MAGI2: variants seen among roughly 807,000 people sequenced by gnomAD.
MAGI2 encodes the protein membrane associated guanylate kinase, WW and PDZ domain containing 2.
Under a neutral mutation model 133.3 loss-of-function variants are expected in MAGI2, and 35 were observed. That is an observed-to-expected ratio of 0.26 (90% CI 0.20 to 0.35). The LOEUF is 0.35. Ranked by LOEUF, MAGI2 falls within the 10% of genes least tolerant of loss-of-function variation. The probability of loss-of-function intolerance (pLI) is 1.00; values close to 1 mark genes in which losing one functional copy is unlikely to be tolerated. For missense variants in MAGI2, 1,636 were observed against 1,863.4 expected, an observed-to-expected ratio of 0.88 and a Z score of 2.25; for synonymous variants, 729 against 710.6, an observed-to-expected ratio of 1.03 and a Z score of -0.41.
intron 16 of MAGI2, among the ~76,000 whole-genome samples, chr7:78,137,102 TA>T (rs1337935301): frequency 6.6e-6 from 1 of 152,172 alleles, no homozygotes; most frequent in East Asian, 1.9e-4. Flanking sequence ...TTACTGACTT[TA>T]AAAAAATGAT....
chr7:78,093,136 CAAAAAAA>C (rs1157039018), intron 20 of MAGI2, among the ~76,000 whole-genome samples: 1 of 32,322 alleles, frequency 3.1e-5, no homozygotes, highest in Non-Finnish European at 5.0e-5. Flanking sequence ...ACTCCTTCTC[CAAAAAAA>C]AAAAAAAAAA....
chr7:78,112,788 T>G (rs866960069), intron 20 of MAGI2, among the ~76,000 whole-genome samples: 1 of 152,222 alleles, frequency 6.6e-6, no homozygotes, highest in East Asian at 1.9e-4. Context: ...GCAGAGCTTA[T>G]GCTCTGGAAA....
At chr7:78,925,057 A>C (rs1799588467) in intron 2 of MAGI2, among the ~76,000 whole-genome samples, 2 of 151,952 alleles carry the variant, frequency 1.3e-5, no homozygotes, top group South Asian at 4.1e-4. Context: ...GTCTTGGTTT[A>C]GTGGCCAGGG....
chr7:79,261,450 G>C (rs141778138), intron 1 of MAGI2, among the ~76,000 whole-genome samples: 143 of 152,300 alleles, frequency 9.4e-4, no homozygotes, highest in Non-Finnish European at 1.3e-3. Context: ...CATAGTTCAA[G>C]CCTAAGGTTA....
intron 2 of MAGI2, among the ~76,000 whole-genome samples, chr7:78,788,086 G>A (rs1174937812): frequency 1.3e-5 from 2 of 152,164 alleles, no homozygotes; most frequent in East Asian, 3.8e-4. Flanking sequence ...ATGAGCTTGT[G>A]CAAAGCAGTG....
intron 4 of MAGI2, among the ~76,000 whole-genome samples, chr7:78,515,979 C>A (rs1796007669): frequency 6.6e-6 from 1 of 151,972 alleles, no homozygotes; most frequent in African/African-American, 2.4e-5. Context: ...GAAAAGTTAC[C>A]AACAAGTACC....
In MAGI2 at chr7:78,804,748, C is replaced by CAA. The variant is rs373472835; in HGVS notation, c.419-177511_419-177510dup. Among the ~76,000 whole-genome samples, 20 of 97,720 alleles carry CAA rather than the reference C, an allele frequency of 2.0e-4. 1 individual carries two copies. The highest frequency in any genetic ancestry group is 4.3e-4 in the African/African-American group (9 of 21,172). The allele number at this position is 97,720 out of a possible 152,430, so 64.1% of individuals were successfully genotyped here. ...TGGGCAACAGAGCGAGACTCTGTCTCAAAAAAAAAAAAAAAAAAAAAAAAC... is the reference window on the plus strand; with the variant it reads ...TGGGCAACAGAGCGAGACTCTGTCTCAAAAAAAAAAAAAAAAAAAAAAAAAAC... On this transcript the variant is annotated intron_variant, in intron 2 of 21. Transcript: ENST00000354212.
At chr7:78,458,406 T>C (rs562500464) in intron 6 of MAGI2, among the ~76,000 whole-genome samples, 2 of 152,138 alleles carry the variant, frequency 1.3e-5, no homozygotes, top group Non-Finnish European at 1.5e-5. Context: ...GGCAGTCACA[T>C]AGTAAAACTA....
chr7:78,188,125 T>A (rs941992308), intron 12 of MAGI2, among the ~76,000 whole-genome samples: 18 of 152,188 alleles, frequency 1.2e-4, no homozygotes, highest in African/African-American at 4.1e-4. Flanking sequence ...ACAACTTTTA[T>A]TTTGCTATCT....
chr7:78,503,509 A>T (rs868589975), intron 4 of MAGI2, among the ~76,000 whole-genome samples: 1 of 143,050 alleles, frequency 7.0e-6, no homozygotes, highest in African/African-American at 2.6e-5. Context: ...ACGAGATCTG[A>T]TGGTTTTATA....
intron 2 of MAGI2, among the ~76,000 whole-genome samples, chr7:78,715,704 A>T (rs1292534709): frequency 6.6e-6 from 1 of 152,232 alleles, no homozygotes; most frequent in Non-Finnish European, 1.5e-5. Context: ...CAATGACTTC[A>T]TTCATTTCAT....
At chr7:79,403,625 A>G (rs555591490) in intron 1 of MAGI2, among the ~76,000 whole-genome samples, 59 of 152,160 alleles carry the variant, frequency 3.9e-4, no homozygotes, top group Non-Finnish European at 6.8e-4. Context: ...TTTTGAAACT[A>G]GGCCACATCC....
intron 2 of MAGI2, among the ~76,000 whole-genome samples, chr7:78,730,714 A>C (rs898785000): frequency 6.6e-6 from 1 of 152,176 alleles, no homozygotes; most frequent in Non-Finnish European, 1.5e-5. Flanking sequence ...AAGTAGTACC[A>C]TATATTTATT....
At chr7:78,045,333 C>T (rs1364919858) in intron 21 of MAGI2, among the ~76,000 whole-genome samples, 1 of 152,060 alleles carries the variant, frequency 6.6e-6, no homozygotes, top group African/African-American at 2.4e-5. Flanking sequence ...ATTCATTCAT[C>T]CATTCACTCA....
intron 1 of MAGI2, among the ~76,000 whole-genome samples, chr7:79,391,488 CATATATATATATATATAGACAT>C (rs1198259408): frequency 1.7e-5 from 2 of 119,336 alleles, no homozygotes; most frequent in Non-Finnish European, 3.6e-5. Flanking sequence ...TTACCTTTAA[CATATATATATATATATAGACAT>C]ATATATATAT....
intron 2 of MAGI2, among the ~76,000 whole-genome samples, chr7:78,745,809 T>G (rs1822875351): frequency 6.6e-6 from 1 of 152,200 alleles, no homozygotes. Flanking sequence ...ATCATTTGCT[T>G]GGTATTCTAG....
intron 3 of MAGI2, among the ~76,000 whole-genome samples, chr7:78,577,305 T>C (rs953905112): frequency 1.3e-5 from 2 of 152,128 alleles, no homozygotes; most frequent in African/African-American, 4.8e-5. Context: ...ATATCTCTGT[T>C]CAAAAATGAA....
At chr7:78,196,181 CCT>C (rs966317781) in intron 11 of MAGI2, among the ~76,000 whole-genome samples, 1 of 152,052 alleles carries the variant, frequency 6.6e-6, no homozygotes, top group African/African-American at 2.4e-5. Context: ...TCTTCCTTCC[CCT>C]CTCTCATTTC....
intron 21 of MAGI2, among the ~76,000 whole-genome samples, chr7:78,029,529 G>A (rs1809334209): frequency 6.6e-6 from 1 of 152,184 alleles, no homozygotes; most frequent in Admixed American, 6.5e-5. Flanking sequence ...AGATAAAAAT[G>A]GATCTGCTTT....
Sources: gnomAD v4.1 joint callset for allele counts (sites outside exome capture counted in the v4.1 genomes callset) on GRCh38, gnomAD v4.1.1 for gene constraint, MANE v1.5 for transcripts, NCBI Gene and HGNC (gene_info 2026-07-23, HGNC 2026-07-21) for gene names.